Variants in IGF2BP3 observed in about 807,000 individuals in gnomAD.
IGF2BP3 encodes the protein insulin-like growth factor 2 mRNA-binding protein 3.
A neutral mutation model predicts 73.8 loss-of-function variants in IGF2BP3; 9 were observed. That is an observed-to-expected ratio of 0.12 (90% CI 0.07 to 0.21). The LOEUF is 0.21. Ranked by LOEUF, IGF2BP3 falls within the 10% of genes least tolerant of loss-of-function variation. The probability of loss-of-function intolerance (pLI) is 1.00; values close to 1 mark genes in which losing one functional copy is unlikely to be tolerated. For missense variants in IGF2BP3, 542 were observed against 714.0 expected, an observed-to-expected ratio of 0.76 and a Z score of 2.75; for synonymous variants, 258 against 256.7, an observed-to-expected ratio of 1.01 and a Z score of -0.05.
At chr7:23,350,300 T>C (rs892153964) in intron 6 of IGF2BP3, among the ~76,000 whole-genome samples, 6 of 152,228 alleles carry the variant, frequency 3.9e-5, no homozygotes, top group Admixed American at 2.6e-4. Context: ...AAAAAAAGAA[T>C]TCTCCTTTCT....
At chr7:23,437,738 A>T (rs1787838992) in intron 2 of IGF2BP3, among the ~76,000 whole-genome samples, 1 of 152,154 alleles carries the variant, frequency 6.6e-6, no homozygotes, top group South Asian at 2.1e-4. Context: ...AAACTTTAAG[A>T]TTTCACCAAT....
chr7:23,390,031 C>T (rs1786222805), intron 3 of IGF2BP3, among the ~76,000 whole-genome samples: 1 of 151,972 alleles, frequency 6.6e-6, no homozygotes, highest in South Asian at 2.1e-4. Context: ...GCAAATATGC[C>T]AAGTGAAATA....
intron 2 of IGF2BP3, among the ~76,000 whole-genome samples, chr7:23,450,184 T>C (rs114276174): frequency 1.1e-4 from 17 of 152,310 alleles, no homozygotes; most frequent in African/African-American, 3.6e-4. Context: ...TCCTTCAGTA[T>C]ACATCCTTTT....
At chr7:23,317,845 G>C in intron 11 of IGF2BP3, 132 bp from the exon 12 acceptor site, 1 of 713,798 alleles carries the variant, frequency 1.4e-6, no homozygotes, top group Non-Finnish European at 2.5e-6. Context: ...AAATTAGGGA[G>C]AGGCAGCAAT....
intron 3 of IGF2BP3, among the ~76,000 whole-genome samples, chr7:23,385,586 A>T (rs1351110696): frequency 6.6e-6 from 1 of 152,100 alleles, no homozygotes; most frequent in Non-Finnish European, 1.5e-5. Flanking sequence ...GACAGGATAA[A>T]AGAGTTTCTT....
chr7:23,327,123 T>C (rs1290935131), intron 10 of IGF2BP3, among the ~76,000 whole-genome samples: 1 of 152,072 alleles, frequency 6.6e-6, no homozygotes, highest in African/African-American at 2.4e-5. Flanking sequence ...TTACACAACT[T>C]AGACATGAAC....
rs1356301012 is a variant in IGF2BP3, at chr7:23,311,161, T to C, written c.*1201A>G. The C allele has an allele frequency of 2.0e-5, 3 of 152,116 alleles. No homozygotes were observed. The highest frequency in any genetic ancestry group is 2.9e-5 in the Non-Finnish European group (2 of 68,016). The allele number at this position is 152,116 out of a possible 1,614,324, so 9.4% of individuals were successfully genotyped here. ...GTGCTTAAAAATCTTCAAAATAGCT[T>C]AGTGAGGCTCATGACAGTGCTGGCC... is the stretch of plus-strand genomic sequence containing the variant. On this transcript the variant is annotated 3_prime_UTR_variant, in exon 15 of 15. Coordinates refer to ENST00000258729, the MANE Select transcript of IGF2BP3 (RefSeq NM_006547.3).
At chr7:23,370,007 C>T (rs1785496213) in intron 3 of IGF2BP3, among the ~76,000 whole-genome samples, 1 of 152,176 alleles carries the variant, frequency 6.6e-6, no homozygotes, top group Non-Finnish European at 1.5e-5. Context: ...CCAGCAGTTA[C>T]TACCCTTCTG....
At chr7:23,317,131 C>G (rs1299745978) in intron 12 of IGF2BP3, among the ~76,000 whole-genome samples, 2 of 152,212 alleles carry the variant, frequency 1.3e-5, no homozygotes, top group Non-Finnish European at 2.9e-5. Context: ...TCAAATCCCA[C>G]TAAACGTGCA....
chr7:23,321,552 G>C (rs559120638), intron 10 of IGF2BP3, among the ~76,000 whole-genome samples: 1 of 152,210 alleles, frequency 6.6e-6, no homozygotes, highest in South Asian at 2.1e-4. Context: ...CAGGACGCTC[G>C]AACTGGGTGG....
chr7:23,365,672 G>GTGA (rs1027903141), intron 3 of IGF2BP3: 1 of 152,206 alleles, frequency 6.6e-6, no homozygotes, highest in African/African-American at 2.4e-5. Context: ...CACCAACAAG[G>GTGA]TGATGACCTG....
chr7:23,456,878 G>A lies in IGF2BP3; in HGVS notation c.236+11604C>T, dbSNP rs372561866. ...CTGGCCAACCAATATGGTGAACCCC[G>A]TCTCTACTAAAAATACAAAAATTAG... On this transcript the variant is annotated intron_variant, in intron 2 of 14. Transcript: ENST00000258729. 2.4e-4 allele frequency among the ~76,000 whole-genome samples: 37 copies of A among 152,068 alleles called. No individual in the cohort carries two copies. The East Asian group carries it at 4.3e-3, about 18-fold the overall frequency.
intron 10 of IGF2BP3, among the ~76,000 whole-genome samples, chr7:23,330,719 C>A (rs1397054565): frequency 2.6e-5 from 4 of 152,090 alleles, no homozygotes; most frequent in Non-Finnish European, 5.9e-5. Flanking sequence ...GCTGGAATTA[C>A]TCAGGTAGTT....
chr7:23,395,862 G>A (rs937864034), intron 3 of IGF2BP3, among the ~76,000 whole-genome samples: 1 of 151,772 alleles, frequency 6.6e-6, no homozygotes, highest in Non-Finnish European at 1.5e-5. Context: ...GGAGGCAGAG[G>A]TTGCAGTGAG....
chr7:23,359,702 A>G (rs1464541780), intron 5 of IGF2BP3, among the ~76,000 whole-genome samples: 1 of 152,106 alleles, frequency 6.6e-6, no homozygotes, highest in Non-Finnish European at 1.5e-5. Context: ...TACAAAAAAA[A>G]AGACTGCCAG....
At chr7:23,447,288 C>CAAACAAA (rs1398930471) in intron 2 of IGF2BP3, among the ~76,000 whole-genome samples, 5 of 151,754 alleles carry the variant, frequency 3.3e-5, no homozygotes. Flanking sequence ...AATAAACAAA[C>CAAACAAA]AAACAAAAAA....
Position 23,351,401 on chromosome 7 carries a change from A to C in IGF2BP3, c.587T>G (p.Leu196Trp). 6.2e-7 allele frequency: 1 copy of C among 1,613,908 alleles called. No homozygotes were observed. The highest frequency in any genetic ancestry group is 8.5e-7 in the Non-Finnish European group (1 of 1,179,942). Residue 196 changes from leucine to tryptophan, a missense_variant, in exon 6 of 15, where the codon TTG becomes TGG. Around this residue, in one of 2 missense-constraint regions of IGF2BP3, gnomAD observed 303 missense variants for 472.1 expected, o/e 0.64. Transcript: ENST00000258729. The part of the protein sequence containing the change: ...GSVSKQKPCD[L>W]PLRLLVPTQF... ...GGTGGGAACCAGCAGGCGCAGAGGC[A>C]AATCACATGGTTTCTGCTTGGATAC...
rs1252427214 is a variant in IGF2BP3, at chr7:23,311,836, A to T, written c.*526T>A. 1.3e-5 allele frequency: 2 copies of T among 152,934 alleles called. No homozygotes were observed. The highest frequency in any genetic ancestry group is 4.8e-5 in the African/African-American group (2 of 41,458). The allele number at this position is 152,934 out of a possible 1,614,324, so 9.5% of individuals were successfully genotyped here. Reference sequence around the variant, plus strand: ...AAATGCACGTTTAATACCCCTGCCAACACCATTCAGCACTTCCCTTAGGTT... The same window carrying T: ...AAATGCACGTTTAATACCCCTGCCATCACCATTCAGCACTTCCCTTAGGTT... On this transcript the variant is annotated 3_prime_UTR_variant, in exon 15 of 15. Transcript: ENST00000258729.
At chr7:23,329,462 C>T (rs774638803) in intron 10 of IGF2BP3, among the ~76,000 whole-genome samples, 7 of 152,168 alleles carry the variant, frequency 4.6e-5, no homozygotes, top group Non-Finnish European at 1.0e-4. Flanking sequence ...TCTACTGCAA[C>T]ACGTTCTTAG....
Sources: allele counts gnomAD v4.1 joint callset (sites outside exome capture counted in the v4.1 genomes callset), GRCh38; gene constraint gnomAD v4.1.1; regional missense constraint gnomAD v4.1.1; transcripts MANE v1.5; gene names NCBI Gene and HGNC (gene_info 2026-07-23, HGNC 2026-07-21).